Variants in GRID2 observed in about 807,000 individuals in gnomAD.
The protein encoded by GRID2 is glutamate ionotropic receptor delta type subunit 2.
A neutral mutation model predicts 114.8 loss-of-function variants in GRID2; 33 were observed. The observed-to-expected ratio is 0.29, with a 90% CI of 0.22 to 0.38. The LOEUF is 0.38. Among genes scored for constraint, GRID2 ranks in the 10% least tolerant of loss-of-function variants. The pLI is 1.00. For missense variants in GRID2, 1,184 were observed against 1,257.7 expected (o/e 0.94, Z 0.89); for synonymous variants, 505 against 449.9 (o/e 1.12, Z -1.55).
intron 1 of GRID2, among the ~76,000 whole-genome samples, chr4:92,419,809 T>C (rs1731805703): frequency 6.6e-6 from 1 of 152,056 alleles, no homozygotes; most frequent in Non-Finnish European, 1.5e-5. Context: ...CTAGAAAAAT[T>C]CTAGGACATT....
rs1473165904 is a variant in GRID2, at chr4:93,040,661, A to G, written c.245-44334A>G. 3.9e-5 allele frequency among the ~76,000 whole-genome samples: 6 copies of G among 152,162 alleles called. No individual in the cohort carries two copies. The South Asian group carries it at 1.2e-3, about 31-fold the overall frequency. On this transcript the variant is annotated intron_variant, in intron 2 of 15. Coordinates refer to ENST00000282020, the MANE Select transcript of GRID2 (RefSeq NM_001510.4). ...GTTCAATGAGTCACTGGGTATTTTA[A>G]CAATGAAAAATCGGTCGGAACAGTG...
chr4:92,474,945 C>A (rs112866965), intron 1 of GRID2, among the ~76,000 whole-genome samples: 65 of 88,460 alleles, frequency 7.3e-4, no homozygotes, highest in African/African-American at 2.8e-3. Context: ...TCTCTTCATT[C>A]GGTTGATTGT....
At chr4:93,596,165 T>C (rs192386849) in intron 13 of GRID2, among the ~76,000 whole-genome samples, 17 of 152,248 alleles carry the variant, frequency 1.1e-4, no homozygotes, top group East Asian at 5.8e-4. Flanking sequence ...AAATTAGCCC[T>C]AGTAAACCTT....
intron 13 of GRID2, among the ~76,000 whole-genome samples, chr4:93,546,411 T>C (rs1733220029): frequency 6.6e-6 from 1 of 152,038 alleles, no homozygotes; most frequent in African/African-American, 2.4e-5. Flanking sequence ...CAAAAGGACA[T>C]AGGGCTGAGC....
chr4:92,714,196 C>A (rs2149312405), intron 2 of GRID2, among the ~76,000 whole-genome samples: 1 of 152,294 alleles, frequency 6.6e-6, no homozygotes, highest in African/African-American at 2.4e-5. Context: ...CCATGTACGT[C>A]CAAAATCCAG....
chr4:93,488,123 C>T (rs1472259031), intron 11 of GRID2, among the ~76,000 whole-genome samples: 1 of 151,812 alleles, frequency 6.6e-6, no homozygotes, highest in African/African-American at 2.4e-5. Context: ...ATTTATTGTT[C>T]TAATTTTGTT....
chr4:92,511,295 C>T (rs562873118), intron 1 of GRID2, among the ~76,000 whole-genome samples: 1 of 151,836 alleles, frequency 6.6e-6, no homozygotes, highest in South Asian at 2.1e-4. Flanking sequence ...CACACATAAA[C>T]TACCAGAGTG....
At chr4:93,715,468 A>G (rs1433179928) in intron 14 of GRID2, among the ~76,000 whole-genome samples, 2 of 152,202 alleles carry the variant, frequency 1.3e-5, no homozygotes, top group African/African-American at 4.8e-5. Context: ...TTCTGTGAAG[A>G]ATGTCAATGG....
At chr4:92,651,256 G>C (rs1425230502) in intron 2 of GRID2, among the ~76,000 whole-genome samples, 1 of 152,078 alleles carries the variant, frequency 6.6e-6, no homozygotes. Flanking sequence ...CCACCAGGTA[G>C]CTGGCTGATC....
chr4:93,016,979 A>G (rs1475052469), intron 2 of GRID2, among the ~76,000 whole-genome samples: 1 of 152,154 alleles, frequency 6.6e-6, no homozygotes, highest in Non-Finnish European at 1.5e-5. Context: ...AATTGCACAG[A>G]AAAGATGAAT....
rs34215461 is a variant in GRID2, at chr4:93,131,145, A to ATTTTTTTTTT, written c.735+20207_735+20216dup. Among the ~76,000 whole-genome samples, 377 of 88,724 alleles carry ATTTTTTTTTT rather than the reference A, an allele frequency of 4.2e-3. 38 individuals carry two copies. The highest frequency in any genetic ancestry group is 0.019 in the African/African-American group (357 of 19,054). The allele number at this position is 88,724 out of a possible 152,430, so 58.2% of individuals were successfully genotyped here. ...AGAACTTCCATGAAAAGATTAAATAATTTTTTTTTTTTTTTTTTTTTTTTG... is the reference window on the plus strand; with the variant it reads ...AGAACTTCCATGAAAAGATTAAATAATTTTTTTTTTTTTTTTTTTTTTTTTTTTTTTTTTG... On this transcript the variant is annotated intron_variant, in intron 4 of 15. Coordinates refer to ENST00000282020, the MANE Select transcript of GRID2 (RefSeq NM_001510.4).
At chr4:92,397,390 C>T (rs1730550165) in intron 1 of GRID2, among the ~76,000 whole-genome samples, 1 of 140,344 alleles carries the variant, frequency 7.1e-6, no homozygotes, top group African/African-American at 3.0e-5. Flanking sequence ...GTGTGTTTCT[C>T]CATTCAGAAG....
At chr4:93,743,409 A>G (rs933108384) in intron 14 of GRID2, among the ~76,000 whole-genome samples, 20 of 152,230 alleles carry the variant, frequency 1.3e-4, no homozygotes, top group African/African-American at 4.1e-4. Flanking sequence ...CAGATTTTCA[A>G]TGTAGACGAA....
intron 13 of GRID2, among the ~76,000 whole-genome samples, chr4:93,517,937 GTATA>G (rs1433585787): frequency 5.3e-5 from 2 of 37,576 alleles, no homozygotes; most frequent in Admixed American, 2.4e-4. Flanking sequence ...ATATATGTAT[GTATA>G]TACATACATG....
At chr4:93,073,250 C>T (rs960838884) in intron 2 of GRID2, among the ~76,000 whole-genome samples, 5 of 152,102 alleles carry the variant, frequency 3.3e-5, no homozygotes, top group Non-Finnish European at 7.4e-5. Flanking sequence ...TGATGTGTAC[C>T]GTGGACTGAG....
At chr4:92,366,056 C>T (rs1193147523) in intron 1 of GRID2, among the ~76,000 whole-genome samples, 1 of 152,028 alleles carries the variant, frequency 6.6e-6, no homozygotes, top group Admixed American at 6.6e-5. Flanking sequence ...CTATGTACTT[C>T]CCTTGTACTT....
intron 2 of GRID2, among the ~76,000 whole-genome samples, chr4:92,777,963 C>A (rs939149332): frequency 6.6e-6 from 1 of 152,074 alleles, no homozygotes; most frequent in Non-Finnish European, 1.5e-5. Context: ...CTACGTTTAA[C>A]CCCCATGCAA....
At chr4:93,560,451 T>C (rs1734815715) in intron 13 of GRID2, among the ~76,000 whole-genome samples, 1 of 151,722 alleles carries the variant, frequency 6.6e-6, no homozygotes, top group Non-Finnish European at 1.5e-5. Flanking sequence ...GGCGGGGAGC[T>C]GCCACACACT....
intron 2 of GRID2, among the ~76,000 whole-genome samples, chr4:92,941,460 C>CTCT (rs1257648152): frequency 6.6e-6 from 1 of 151,854 alleles, no homozygotes; most frequent in South Asian, 2.1e-4. Context: ...CTTCTGTCTT[C>CTCT]TCTTCTTTAT....
Sources: gnomAD v4.1 joint callset for allele counts (sites outside exome capture counted in the v4.1 genomes callset) on GRCh38, gnomAD v4.1.1 for gene constraint, MANE v1.5 for transcripts, NCBI Gene and HGNC (gene_info 2026-07-23, HGNC 2026-07-21) for gene names.